The following LRP1B variants were observed in gnomAD, a reference collection of about 807,000 sequenced individuals.
LRP1B encodes the protein low-density lipoprotein receptor-related protein 1B.
LRP1B carries 217 observed loss-of-function variants against 556.6 expected under a neutral mutation model. The observed-to-expected ratio is 0.39, with a 90% CI of 0.35 to 0.44. LRP1B has a LOEUF of 0.44. LRP1B is among the 20% of genes least tolerant of loss of function. LRP1B has a pLI of 1.00. For missense variants in LRP1B, 5,053 were observed against 5,620.8 expected, an observed-to-expected ratio of 0.90 and a Z score of 3.23; for synonymous variants, 2,047 against 1,865.8, an observed-to-expected ratio of 1.10 and a Z score of -2.50.
At chr2:140,980,894 A>G (rs563514391) in intron 18 of LRP1B, among the ~76,000 whole-genome samples, 4 of 152,328 alleles carry the variant, frequency 2.6e-5, no homozygotes, top group East Asian at 1.9e-4. Context: ...TATATACACC[A>G]TGGAATACTA....
chr2:140,269,335 G>A, intron 86 of LRP1B: 1 of 470,840 alleles, frequency 2.1e-6, no homozygotes, highest in South Asian at 1.5e-5. Context: ...TGATCACAAG[G>A]GTTCTCTTTC....
intron 16 of LRP1B, chr2:140,992,499 A>T (rs563632815): frequency 6.6e-6 from 1 of 152,136 alleles, no homozygotes; most frequent in African/African-American, 2.4e-5. Flanking sequence ...AGTTGACTAC[A>T]GAGGAAGCTG....
In LRP1B at chr2:140,896,814, A is replaced by T. The variant is rs143659279; in HGVS notation, c.3766+6106T>A. ...GCTATCATCATTTTTTTTTCTTTTT[A>T]ATGTCAAGAGGGATAAGGACAGGTA... On this transcript the variant is annotated intron_variant, in intron 23 of 90. Transcript: ENST00000389484. 2.2e-3 allele frequency among the ~76,000 whole-genome samples: 340 copies of T among 151,488 alleles called. 1 individual carries two copies. The highest frequency in any genetic ancestry group is 7.7e-3 in the African/African-American group (317 of 41,324).
chr2:140,727,325 A>G (rs1687628750), intron 35 of LRP1B, among the ~76,000 whole-genome samples: 1 of 152,242 alleles, frequency 6.6e-6, no homozygotes, highest in African/African-American at 2.4e-5. Flanking sequence ...GACAGGAGGG[A>G]CAGGCCTGAA....
In LRP1B at chr2:140,996,248, G is replaced by A. The variant is rs144357085; in HGVS notation, c.2504-2113C>T. Among the ~76,000 whole-genome samples, 732 of 152,078 alleles carry A rather than the reference G, an allele frequency of 4.8e-3. 7 individuals carry two copies. The highest frequency in any genetic ancestry group is 0.017 in the African/African-American group (697 of 41,542). On this transcript the variant is annotated intron_variant, in intron 15 of 90. Coordinates refer to ENST00000389484, the MANE Select transcript of LRP1B (RefSeq NM_018557.3). ...TTGTAATAATTCTATCCCTGCCCAAGCCTTCCAGATGTAATCAGTAGTTAT... is the reference window on the plus strand; with the variant it reads ...TTGTAATAATTCTATCCCTGCCCAAACCTTCCAGATGTAATCAGTAGTTAT...
At chr2:140,475,765 A>G (rs1237083138) in intron 59 of LRP1B, among the ~76,000 whole-genome samples, 1 of 151,888 alleles carries the variant, frequency 6.6e-6, no homozygotes, top group East Asian at 1.9e-4. Flanking sequence ...TTATTTCCTT[A>G]ATATACATTG....
rs372780225 is a variant in LRP1B, at chr2:140,673,873, C to G, written c.6799+26377G>C. 1.6e-4 allele frequency among the ~76,000 whole-genome samples: 24 copies of G among 152,120 alleles called. No individual in the cohort carries two copies. The East Asian group carries it at 1.9e-3, about 12-fold the overall frequency. On this transcript the variant is annotated intron_variant, in intron 41 of 90. Transcript: ENST00000389484. Reference sequence around the variant, plus strand: ...GATCCTAAGACTGACAGAACAGACTCTTTGTAGCAATAACATACCAACTCC... The same window carrying G: ...GATCCTAAGACTGACAGAACAGACTGTTTGTAGCAATAACATACCAACTCC...
In LRP1B at chr2:140,510,216, G is replaced by C. The variant is rs574639906; in HGVS notation, c.8270-160C>G. On this transcript the variant is annotated intron_variant, in intron 51 of 90. Coordinates refer to ENST00000389484, the MANE Select transcript of LRP1B (RefSeq NM_018557.3). ...CATTAAACATCATTCTTCCCCTGTAGTTGTCCACACATTTTTATCTAAGAA... is the reference window on the plus strand; with the variant it reads ...CATTAAACATCATTCTTCCCCTGTACTTGTCCACACATTTTTATCTAAGAA... Among the ~76,000 whole-genome samples, 17 of 152,274 alleles carry C rather than the reference G, an allele frequency of 1.1e-4. No homozygotes were observed. In the South Asian group the frequency reaches 3.5e-3, roughly 32 times the overall value.
intron 3 of LRP1B, among the ~76,000 whole-genome samples, chr2:141,281,989 C>A (rs186368322): frequency 3.7e-4 from 57 of 152,144 alleles, no homozygotes; most frequent in Middle Eastern, 3.4e-3. Context: ...CAACTCTGAT[C>A]TTGGTAAATA....
At chr2:141,279,084 A>G (rs1003040783) in intron 3 of LRP1B, among the ~76,000 whole-genome samples, 4 of 152,150 alleles carry the variant, frequency 2.6e-5, no homozygotes, top group African/African-American at 9.7e-5. Context: ...CTCATACTTT[A>G]TAACATCTCT....
intron 2 of LRP1B, among the ~76,000 whole-genome samples, chr2:141,800,983 T>C (rs530792687): frequency 1.3e-5 from 2 of 152,192 alleles, no homozygotes; most frequent in Admixed American, 1.3e-4. Flanking sequence ...ATGTATCATT[T>C]ATTTCAAAAT....
chr2:141,829,703 C>T lies in LRP1B; in HGVS notation c.83-19302G>A, dbSNP rs146641068. ...AGTGGCTTTATCTGTTATATGTTCT[C>T]CACCTCCCCCAATAGGATTTGGATC... On this transcript the variant is annotated intron_variant, in intron 1 of 90. Coordinates refer to ENST00000389484, the MANE Select transcript of LRP1B (RefSeq NM_018557.3). Among the ~76,000 whole-genome samples, 973 of 151,984 alleles carry T rather than the reference C, an allele frequency of 6.4e-3. 10 individuals are homozygous for T. Among genetic ancestry groups the T allele is most frequent in the South Asian group, 0.053 (254 of 4,830 alleles).
chr2:141,226,816 A>G (rs1158952961), intron 6 of LRP1B, among the ~76,000 whole-genome samples: 1 of 152,158 alleles, frequency 6.6e-6, no homozygotes, highest in African/African-American at 2.4e-5. Context: ...CATGGCTTAC[A>G]AGCAATGACA....
intron 1 of LRP1B, among the ~76,000 whole-genome samples, chr2:141,883,678 T>G (rs1277911920): frequency 6.6e-6 from 1 of 152,132 alleles, no homozygotes; most frequent in Non-Finnish European, 1.5e-5. Flanking sequence ...CAGCCATGAC[T>G]GTGCTGCTGC....
intron 18 of LRP1B, among the ~76,000 whole-genome samples, chr2:140,980,422 G>A (rs899307633): frequency 1.3e-5 from 2 of 152,106 alleles, no homozygotes; most frequent in African/African-American, 4.8e-5. Flanking sequence ...CACTTTATTG[G>A]TCAGGCTCCA....
chr2:140,624,600 GC>G (rs1432164868), intron 41 of LRP1B, among the ~76,000 whole-genome samples: 1 of 152,140 alleles, frequency 6.6e-6, no homozygotes, highest in Non-Finnish European at 1.5e-5. Context: ...TGGGAATATA[GC>G]ATTTAACAGG....
At chr2:140,456,731 C>G (rs796797190) in intron 61 of LRP1B, 128 bp from the exon 62 acceptor site, 2 of 624,080 alleles carry the variant, frequency 3.2e-6, no homozygotes, top group Admixed American at 7.4e-5. Flanking sequence ...CTCAAGAACT[C>G]ATCAAGACTA....
chr2:141,322,603 GA>G (rs1559004387), intron 3 of LRP1B, among the ~76,000 whole-genome samples: 2 of 151,970 alleles, frequency 1.3e-5, no homozygotes, highest in Admixed American at 1.3e-4. Flanking sequence ...TCTTTGCTGT[GA>G]GACTTGAGAG....
chr2:141,291,993 G>A (rs540518836), intron 3 of LRP1B, among the ~76,000 whole-genome samples: 26 of 151,448 alleles, frequency 1.7e-4, no homozygotes, highest in African/African-American at 4.6e-4. Context: ...ACCCCAATGC[G>A]ATGAACTACT....
Sources: allele counts gnomAD v4.1 joint callset (sites outside exome capture counted in the v4.1 genomes callset), GRCh38; gene constraint gnomAD v4.1.1; transcripts MANE v1.5; gene names NCBI Gene and HGNC (gene_info 2026-07-23, HGNC 2026-07-21).